ATP2A3: variants seen among roughly 807,000 people sequenced by gnomAD.
ATP2A3 encodes ATPase sarcoplasmic/endoplasmic reticulum Ca2+ transporting 3.
In ATP2A3, 61 loss-of-function variants were observed where a neutral mutation model predicts 106.8. The ratio of observed to expected loss-of-function variants is 0.57; its 90% CI spans 0.46 to 0.71. ATP2A3 has a LOEUF of 0.71. Ranked by LOEUF, ATP2A3 falls within the 30% of genes least tolerant of loss-of-function variation. The pLI is 0.00. For synonymous variants in ATP2A3, 611 were observed against 609.3 expected (o/e 1.00, Z -0.04); for missense variants, 1,201 against 1,423.5 (o/e 0.84, Z 2.52).
At chr17:3,927,352 C>T (rs1001055962) in intron 20 of ATP2A3, 1 of 985,356 alleles carries the variant, frequency 1.0e-6, no homozygotes, top group East Asian at 1.1e-4. Flanking sequence ...TGCTGAGCTC[C>T]TAGGCAGTTG....
At position 3,929,581 on chromosome 17, in the gene ATP2A3, C is replaced by T. The variant is rs1361599082; in HGVS notation, c.2745-136G>A. The stretch of plus-strand genomic sequence containing the variant: ...CCGCTCGGCCTGCCAGGGCCTGTCC[C>T]GGGCTGGGACCCCTTTCTCTGCCCC... On this transcript the variant is annotated intron_variant, in intron 18 of 20. Transcript: ENST00000397041. This position sits in a 1 kb window ranked among gnomAD's most constrained non-coding sequence, Gnocchi z 4.3. The T allele has an allele frequency of 1.7e-5, 12 of 727,272 alleles. No homozygotes were observed. Among genetic ancestry groups the T allele is most frequent in the East Asian group, 2.7e-5 (1 of 36,728 alleles). The allele number at this position is 727,272 out of a possible 1,614,324, so 45.1% of individuals were successfully genotyped here.
chr17:3,930,573 G>A lies in ATP2A3; in HGVS notation c.2611-139C>T. 7.5e-7 allele frequency: 1 copy of A among 1,326,704 alleles called. No individual in the cohort carries two copies. Among genetic ancestry groups the A allele is most frequent in the Non-Finnish European group, 1.0e-6 (1 of 960,190 alleles). 82.2% of individuals were successfully genotyped at this position (1,326,704 alleles called of 1,614,324 possible). A position where few individuals can be genotyped will look rare whatever the true frequency, so the allele number is the denominator to read the frequency against. On this transcript the variant is annotated intron_variant, in intron 17 of 20. Coordinates refer to ENST00000397041, the MANE Select transcript of ATP2A3 (RefSeq NM_005173.4). The surrounding 1 kb of genome is among the most constrained non-coding windows in gnomAD (Gnocchi z 5.4). ...AAAACACTGCCGTGGGGTGGGCTGG[G>A]GATCCCGGGAGGGGTGCGGGGTCGG...
chr17:3,937,763 A>G (rs1366954721), intron 14 of ATP2A3, 127 bp from the exon 15 acceptor site: 1 of 972,092 alleles, frequency 1.0e-6, no homozygotes, highest in African/African-American at 1.6e-5. Context: ...GACAGAACAA[A>G]TGGTGGGTTC....
At chr17:3,957,996 C>T (rs562719892) in intron 1 of ATP2A3, among the ~76,000 whole-genome samples, 6 of 152,176 alleles carry the variant, frequency 3.9e-5, no homozygotes, top group Non-Finnish European at 7.3e-5. Flanking sequence ...CCTGTGTTCA[C>T]GGAGGCCCAG....
At chr17:3,943,059 A>G (rs740793) in intron 11 of ATP2A3, among the ~76,000 whole-genome samples, 64,445 of 152,016 alleles carry the variant, frequency 0.42, 14,283 homozygotes, top group Middle Eastern at 0.61. Flanking sequence ...AGGCCAAGGC[A>G]GGCAGATTAC....
chr17:3,950,874 G>T, intron 5 of ATP2A3, 101 bp from the exon 6 acceptor site: 2 of 1,190,870 alleles, frequency 1.7e-6, no homozygotes, highest in Non-Finnish European at 2.4e-6. Context: ...TGGGCGTCGG[G>T]TGCCTGAGCT....
rs749449783 is a variant in ATP2A3, at chr17:3,953,318, C to T, written c.219+29G>A. ...CTCTCCCTCCAGGGCTACCGACTAC[C>T]ACAGGATGGCTGGCAGGGCCCTACT... On this transcript the variant is annotated intron_variant, in intron 3 of 20. Transcript: ENST00000397041. This position sits in a 1 kb window ranked among gnomAD's most constrained non-coding sequence, Gnocchi z 5.1. 1 of 1,611,394 alleles carries T rather than the reference C, an allele frequency of 6.2e-7. No homozygotes were observed. Among genetic ancestry groups the T allele is most frequent in the Non-Finnish European group, 8.5e-7 (1 of 1,177,860 alleles).
At chr17:3,933,717 C>G (rs1357155865) in intron 17 of ATP2A3, among the ~76,000 whole-genome samples, 1 of 151,218 alleles carries the variant, frequency 6.6e-6, no homozygotes, top group African/African-American at 2.5e-5. Flanking sequence ...GCCTGGGTGA[C>G]AGAGCGAGAC....
At position 3,937,439 on chromosome 17, in the gene ATP2A3, G is replaced by C; in HGVS notation, c.2298C>G (p.Ser766=). ...ACCAGACGACCTCGCCAACATTGGA[G>C]GAGATGAGGTAGCGGATGAATTGCT... ...NMKQFIRYLI[S]SNVGEVVCIF... The change falls in exon 15 of 21, where the codon TCC becomes TCG. Residue 766 remains serine (S), a synonymous_variant. Coordinates refer to ENST00000397041, the MANE Select transcript of ATP2A3 (RefSeq NM_005173.4). 1 of 1,612,874 alleles carries C rather than the reference G, an allele frequency of 6.2e-7. No homozygotes were observed.
chr17:3,947,884 T>C lies in ATP2A3; in HGVS notation c.631-29A>G. On this transcript the variant is annotated intron_variant, in intron 7 of 20. Coordinates refer to ENST00000397041, the MANE Select transcript of ATP2A3 (RefSeq NM_005173.4). The surrounding 1 kb of genome is among the most constrained non-coding windows in gnomAD (Gnocchi z 7.7). ...GCCAGGGGAGGGACAAGGAAAAAGC[T>C]GCTCAGCAGCCAACCAGGGGCCCAG... 6.3e-7 allele frequency: 1 copy of C among 1,596,512 alleles called. No homozygotes were observed. Among genetic ancestry groups the C allele is most frequent in the South Asian group, 1.1e-5 (1 of 90,924 alleles).
chr17:3,948,717 C>A (rs2054254285), intron 7 of ATP2A3, among the ~76,000 whole-genome samples: 1 of 152,142 alleles, frequency 6.6e-6, no homozygotes, highest in Non-Finnish European at 1.5e-5. Context: ...CCATGCCCGG[C>A]CCCTCCAAAG....
At chr17:3,935,587 G>T (rs1307904373) in intron 16 of ATP2A3, among the ~76,000 whole-genome samples, 1 of 147,290 alleles carries the variant, frequency 6.8e-6, no homozygotes, top group Non-Finnish European at 1.5e-5. Flanking sequence ...GCCCAGGCTG[G>T]AGTGCAATGG....
Position 3,953,807 on chromosome 17 carries a change from G to A in ATP2A3, c.119-97C>T. ...GAGTCTGGCAGTGCCTCCCCACCGT[G>A]CCCGCCCAGACCCCCACCACGGACT... On this transcript the variant is annotated intron_variant, in intron 1 of 20. Coordinates refer to ENST00000397041, the MANE Select transcript of ATP2A3 (RefSeq NM_005173.4). This position sits in a 1 kb window ranked among gnomAD's most constrained non-coding sequence, Gnocchi z 5.1. 7.4e-7 allele frequency: 1 copy of A among 1,342,422 alleles called. No individual in the cohort carries two copies. Among genetic ancestry groups the A allele is most frequent in the Non-Finnish European group, 1.0e-6 (1 of 958,324 alleles). The allele number at this position is 1,342,422 out of a possible 1,614,324, so 83.2% of individuals were successfully genotyped here.
At position 3,925,351 on chromosome 17, in the gene ATP2A3, G is replaced by A. The variant is rs1268635383; in HGVS notation, c.*71C>T. ...TGGGCGAGTGTGGTGGCAAGGGTGG[G>A]GGGCGGAGGCGAACACATGGGCACC... On this transcript the variant is annotated 3_prime_UTR_variant, in exon 21 of 21. Transcript: ENST00000397041. The surrounding 1 kb of genome is among the most constrained non-coding windows in gnomAD (Gnocchi z 4.2). 3 of 1,613,124 alleles carry A rather than the reference G, an allele frequency of 1.9e-6. No homozygotes were observed. Among genetic ancestry groups the A allele is most frequent in the East Asian group, 2.2e-5 (1 of 44,868 alleles).
rs372639683 is a variant in ATP2A3 at position 3,930,470 on chromosome 17, G to A, written c.2611-36C>T. ...CGTGGCAGGTCAGAGAGAGCGGCAG[G>A]TCAGGCGAGGGGCTGGTGGGTGGGA... On this transcript the variant is annotated intron_variant, in intron 17 of 20. Transcript: ENST00000397041. This position sits in a 1 kb window ranked among gnomAD's most constrained non-coding sequence, Gnocchi z 5.4. 6.2e-7 allele frequency: 1 copy of A among 1,611,904 alleles called. No homozygotes were observed. Among genetic ancestry groups the A allele is most frequent in the South Asian group, 1.1e-5 (1 of 90,994 alleles).
intron 9 of ATP2A3, 65 bp downstream of exon 9, chr17:3,944,995 G>C (rs1264289858): frequency 1.5e-6 from 2 of 1,354,224 alleles, no homozygotes; most frequent in Non-Finnish European, 1.9e-6. Context: ...CGGCCACCTC[G>C]GCGCCGCCAC....
intron 1 of ATP2A3, among the ~76,000 whole-genome samples, chr17:3,954,545 A>G (rs1161605410): frequency 2.7e-5 from 4 of 148,442 alleles, no homozygotes; most frequent in South Asian, 2.1e-4. Flanking sequence ...CGCCCAGGCC[A>G]GAGTGCAGTG....
chr17:3,959,494 A>AG (rs577802914), intron 1 of ATP2A3, among the ~76,000 whole-genome samples: 18 of 152,320 alleles, frequency 1.2e-4, no homozygotes, highest in Middle Eastern at 3.4e-3. Context: ...GCCAGGGAGA[A>AG]GGGGGGTAAG....
chr17:3,945,640 G>A (rs926332026), intron 8 of ATP2A3, among the ~76,000 whole-genome samples: 1 of 152,218 alleles, frequency 6.6e-6, no homozygotes, highest in African/African-American at 2.4e-5. Context: ...TGTCCCCAGA[G>A]AGTGAGCCCC....
Sources: allele counts gnomAD v4.1 joint callset (sites outside exome capture counted in the v4.1 genomes callset), GRCh38; gene constraint gnomAD v4.1.1; non-coding constraint Gnocchi (gnomAD v3.1); transcripts MANE v1.5; gene names NCBI Gene and HGNC (gene_info 2026-07-23, HGNC 2026-07-21).